The following RASSF3 variants were observed in gnomAD, a reference collection of about 807,000 sequenced individuals.
The protein encoded by RASSF3 is Ras association domain family member 3, also known as ras association domain-containing protein 3.
Under a neutral mutation model 19.9 loss-of-function variants are expected in RASSF3, and 19 were observed. That is an observed-to-expected ratio of 0.96 (90% CI 0.67 to 1.40). RASSF3 has a LOEUF of 1.40. Among genes scored for constraint, RASSF3 ranks in the 40% most tolerant of loss-of-function variants. RASSF3 has a pLI of 0.00. For synonymous variants in RASSF3, 110 were observed against 104.2 expected, an observed-to-expected ratio of 1.06 and a Z score of -0.34; for missense variants, 306 against 289.8, an observed-to-expected ratio of 1.06 and a Z score of -0.41.
intron 2 of RASSF3, among the ~76,000 whole-genome samples, chr12:64,589,537 T>A (rs547928053): frequency 2.2e-4 from 34 of 152,334 alleles, no homozygotes; most frequent in African/African-American, 8.2e-4. Context: ...GCCCTCCACA[T>A]GCCAGTATTG....
chr12:64,683,499 G>C (rs1466697528), intron 1 of RASSF3, among the ~76,000 whole-genome samples: 1 of 152,174 alleles, frequency 6.6e-6, no homozygotes, highest in Non-Finnish European at 1.5e-5. Flanking sequence ...AGACTGGAAG[G>C]GTGGGAAGGA....
chr12:64,554,175 C>T (rs1261517071), intron 2 of RASSF3, among the ~76,000 whole-genome samples: 1 of 152,118 alleles, frequency 6.6e-6, no homozygotes, highest in Non-Finnish European at 1.5e-5. Context: ...CACTGTCCCT[C>T]ATAAAATGTG....
Position 64,691,511 on chromosome 12 carries a change from C to G in RASSF3, c.499C>G (p.Leu167Val). ...CTCAGACCGGGAACATCCACTCTAC[C>G]TGCGTTTGGTAGCAGGGCCCAGAAC... is the stretch of plus-strand genomic sequence containing the variant. ...KLSDREHPLYLRLVAGPRTDT... is the reference protein window; with the variant it reads ...KLSDREHPLYVRLVAGPRTDT... Residue 167 changes from leucine to valine, a missense_variant, in exon 4 of 5, where the codon CTG (leucine) becomes GTG (valine). Transcript: ENST00000542104. 6.2e-7 allele frequency: 1 copy of G among 1,614,114 alleles called. No homozygotes were observed. Among genetic ancestry groups the G allele is most frequent in the Non-Finnish European group, 8.5e-7 (1 of 1,179,946 alleles).
intron 1 of RASSF3, among the ~76,000 whole-genome samples, chr12:64,659,951 C>CGTGTGTGTGTGTGT (rs200835780): frequency 2.1e-5 from 3 of 144,752 alleles, no homozygotes; most frequent in African/African-American, 7.7e-5. Flanking sequence ...TCATCTAATA[C>CGTGTGTGTGTGTGT]GTGTGTGTGT....
chr12:64,578,233 A>T (rs1869629479), intron 2 of RASSF3, among the ~76,000 whole-genome samples: 1 of 152,216 alleles, frequency 6.6e-6, no homozygotes, highest in South Asian at 2.1e-4. Flanking sequence ...AAAGAAGAAA[A>T]AAACAAAAAC....
intron 2 of RASSF3, among the ~76,000 whole-genome samples, chr12:64,577,693 C>T (rs1424570369): frequency 1.3e-5 from 2 of 152,162 alleles, no homozygotes; most frequent in African/African-American, 4.8e-5. Flanking sequence ...GATCACGGCA[C>T]TGCACTTCAG....
intron 1 of RASSF3, among the ~76,000 whole-genome samples, chr12:64,657,268 G>A (rs1402111230): frequency 1.3e-5 from 2 of 152,080 alleles, no homozygotes; most frequent in Admixed American, 1.3e-4. Flanking sequence ...CACCCGCAAA[G>A]TGCTGGGATT....
intron 1 of RASSF3, among the ~76,000 whole-genome samples, chr12:64,656,257 T>C (rs1872155121): frequency 6.6e-6 from 1 of 152,254 alleles, no homozygotes; most frequent in East Asian, 1.9e-4. Context: ...ATATGAATAT[T>C]TGTCAGCTAG....
At chr12:64,566,999 G>A (rs992461413) in intron 2 of RASSF3, among the ~76,000 whole-genome samples, 22 of 152,206 alleles carry the variant, frequency 1.4e-4, no homozygotes, top group African/African-American at 4.8e-4. Flanking sequence ...ATCAGCAAAC[G>A]CGGTGGTTCA....
At position 64,610,696 on chromosome 12, in the gene RASSF3, T is replaced by C; in HGVS notation, c.64T>C (p.Ser22Pro). Residue 22 changes from serine (S) to proline (P), a missense_variant, in exon 1 of 5, where the codon TCC becomes CCC. Transcript: ENST00000542104. ...AEDFFFTART[S>P]FFRRAPQGKP... ...GGACTTCTTCTTCACCGCCAGGACC[T>C]CCTTCTTCAGGAGAGCGCCCCAGGG... is the stretch of plus-strand genomic sequence containing the variant. 6.3e-7 allele frequency: 1 copy of C among 1,596,220 alleles called. No individual in the cohort carries two copies. The highest frequency in any genetic ancestry group is 8.5e-7 in the Non-Finnish European group (1 of 1,173,046).
chr12:64,684,085 A>ATT (rs1206268046), intron 1 of RASSF3, among the ~76,000 whole-genome samples: 11 of 127,292 alleles, frequency 8.6e-5, no homozygotes, highest in East Asian at 2.2e-4. Context: ...TGTGGTTGTA[A>ATT]TTTTTTTTTT....
rs1222962564 is a variant in RASSF3 at position 64,696,550 on chromosome 12, G to T, written c.*1638G>T. The T allele has an allele frequency of 6.6e-6, 1 of 151,982 alleles. No homozygotes were observed. Among genetic ancestry groups the T allele is most frequent in the African/African-American group, 2.4e-5 (1 of 41,360 alleles). 9.4% of individuals were successfully genotyped at this position (151,982 alleles called of 1,614,324 possible). A position where few individuals can be genotyped will look rare whatever the true frequency, so the allele number is the denominator to read the frequency against. On this transcript the variant is annotated 3_prime_UTR_variant, in exon 5 of 5. Transcript: ENST00000542104. ...TGTTAACACTTTGGTGACACCTAAT[G>T]GATTCTTTTTGAAATTCCAAGGTGC...
At chr12:64,669,307 G>A (rs879431725) in intron 1 of RASSF3, among the ~76,000 whole-genome samples, 5 of 152,324 alleles carry the variant, frequency 3.3e-5, no homozygotes, top group Admixed American at 2.0e-4. Context: ...ACATTATTGT[G>A]TAAGGGATTG....
chr12:64,638,338 C>T (rs982502542), intron 1 of RASSF3, among the ~76,000 whole-genome samples: 13 of 152,136 alleles, frequency 8.5e-5, no homozygotes, highest in South Asian at 2.1e-4. Flanking sequence ...CCCAGCACTT[C>T]GGGAGGCCGA....
chr12:64,512,800 C>T (rs771278322), intron 1 of RASSF3, among the ~76,000 whole-genome samples: 3 of 152,226 alleles, frequency 2.0e-5, no homozygotes, highest in Non-Finnish European at 4.4e-5. Flanking sequence ...AGCAATCTTA[C>T]TCATATCAAT....
At chr12:64,690,183 T>G (rs1241352768) in intron 3 of RASSF3, among the ~76,000 whole-genome samples, 1 of 151,750 alleles carries the variant, frequency 6.6e-6, no homozygotes, top group African/African-American at 2.4e-5. Flanking sequence ...TTAAATTTGT[T>G]TTTTGTTTGT....
intron 2 of RASSF3, among the ~76,000 whole-genome samples, chr12:64,561,061 G>T (rs960768573): frequency 3.9e-5 from 6 of 152,196 alleles, no homozygotes; most frequent in African/African-American, 1.4e-4. Flanking sequence ...TCAGTCATTG[G>T]CTAGCAGCAG....
intron 2 of RASSF3, among the ~76,000 whole-genome samples, chr12:64,595,673 A>T (rs1290174092): frequency 6.6e-6 from 1 of 152,128 alleles, no homozygotes; most frequent in Non-Finnish European, 1.5e-5. Context: ...TACACTACCC[A>T]CATCACAGGA....
In RASSF3 at chr12:64,547,073, G is replaced by C. The variant is rs549727637; in HGVS notation, c.294+5368G>C. Reference sequence around the variant, plus strand: ...GGATTGCTTGAGCCTGGGAATTCAAGATCAGCCTGGCCAACATGGTGAACC... The same window carrying C: ...GGATTGCTTGAGCCTGGGAATTCAACATCAGCCTGGCCAACATGGTGAACC... On this transcript the variant is annotated intron_variant, in intron 2 of 5. Coordinates refer to the RASSF3 transcript ENST00000637125. Among the ~76,000 whole-genome samples, 128 of 152,090 alleles carry C rather than the reference G, an allele frequency of 8.4e-4. No individual in the cohort carries two copies. The Middle Eastern group carries it at 0.014, about 16-fold the overall frequency.
Sources: allele counts gnomAD v4.1 joint callset (sites outside exome capture counted in the v4.1 genomes callset), GRCh38; gene constraint gnomAD v4.1.1; transcripts MANE v1.5; gene names NCBI Gene and HGNC (gene_info 2026-07-23, HGNC 2026-07-21).